Variants in TMEM132B observed in about 807,000 individuals in gnomAD.
TMEM132B encodes the protein transmembrane protein 132B.
Under a neutral mutation model 90.8 loss-of-function variants are expected in TMEM132B, and 18 were observed. That is an observed-to-expected ratio of 0.20 (90% CI 0.14 to 0.29). The LOEUF is 0.29. Among genes scored for constraint, TMEM132B ranks in the 10% least tolerant of loss-of-function variants. The pLI is 1.00. For synonymous variants in TMEM132B, 504 were observed against 523.3 expected, an observed-to-expected ratio of 0.96 and a Z score of 0.50; for missense variants, 1,096 against 1,326.8, an observed-to-expected ratio of 0.83 and a Z score of 2.70.
At chr12:125,527,075 T>C (rs1388286833) in intron 4 of TMEM132B, among the ~76,000 whole-genome samples, 87 of 70,786 alleles carry the variant, frequency 1.2e-3, no homozygotes, top group East Asian at 2.1e-3. Context: ...TTTACCCTTC[T>C]ATCCACCCAT....
intron 1 of TMEM132B, among the ~76,000 whole-genome samples, chr12:125,314,512 G>T (rs1876209224): frequency 6.6e-6 from 1 of 152,170 alleles, no homozygotes; most frequent in Non-Finnish European, 1.5e-5. Flanking sequence ...TTCTTGTGCT[G>T]CATTGAGGAG....
intron 3 of TMEM132B, among the ~76,000 whole-genome samples, chr12:125,438,133 G>T (rs1880755886): frequency 6.6e-6 from 1 of 152,132 alleles, no homozygotes; most frequent in Non-Finnish European, 1.5e-5. Context: ...AGAATCAACT[G>T]CATTCTTCTC....
At chr12:125,561,526 A>C (rs2136795025) in intron 4 of TMEM132B, among the ~76,000 whole-genome samples, 1 of 152,244 alleles carries the variant, frequency 6.6e-6, no homozygotes, top group Non-Finnish European at 1.5e-5. Context: ...ATAATAAAAA[A>C]ATTAAAAAAA....
At chr12:125,628,479 G>A (rs1886285585) in intron 5 of TMEM132B, among the ~76,000 whole-genome samples, 1 of 152,010 alleles carries the variant, frequency 6.6e-6, no homozygotes, top group Admixed American at 6.6e-5. Context: ...TTTTGTCCAT[G>A]TTTTGATTGA....
chr12:125,443,542 G>A (rs926929731), intron 3 of TMEM132B, among the ~76,000 whole-genome samples: 3 of 152,084 alleles, frequency 2.0e-5, no homozygotes, highest in Non-Finnish European at 2.9e-5. Flanking sequence ...AAGAATTGAC[G>A]GGATTCTGTG....
chr12:125,535,705 A>T (rs562722495), intron 4 of TMEM132B, among the ~76,000 whole-genome samples: 2 of 152,328 alleles, frequency 1.3e-5, no homozygotes, highest in South Asian at 4.1e-4. Context: ...GAGTATTTAG[A>T]AAAGACCAAG....
chr12:125,450,244 C>T (rs999528762), intron 3 of TMEM132B, among the ~76,000 whole-genome samples: 3 of 152,108 alleles, frequency 2.0e-5, no homozygotes, highest in Admixed American at 2.0e-4. Flanking sequence ...AAATGGCTGA[C>T]TTCAGTTCTG....
intron 1 of TMEM132B, among the ~76,000 whole-genome samples, chr12:125,337,721 T>C (rs1284400371): frequency 6.6e-6 from 1 of 152,184 alleles, no homozygotes; most frequent in Non-Finnish European, 1.5e-5. Context: ...AAATTTCCGG[T>C]ATTCTGTTCT....
At chr12:125,592,179 GTCTA>G (rs1885332490) in intron 5 of TMEM132B, among the ~76,000 whole-genome samples, 1 of 152,150 alleles carries the variant, frequency 6.6e-6, no homozygotes, top group Non-Finnish European at 1.5e-5. Flanking sequence ...ATCTTTATGT[GTCTA>G]TCTTTTTTAC....
At chr12:125,348,537 T>C (rs1877444678) in intron 1 of TMEM132B, among the ~76,000 whole-genome samples, 1 of 151,754 alleles carries the variant, frequency 6.6e-6, no homozygotes, top group Non-Finnish European at 1.5e-5. Context: ...GTCTCACTGT[T>C]TTGCTCAGGC....
intron 3 of TMEM132B, among the ~76,000 whole-genome samples, chr12:125,508,930 T>C (rs1882910864): frequency 6.6e-6 from 1 of 151,784 alleles, no homozygotes; most frequent in South Asian, 2.1e-4. Context: ...ATTACAGGTG[T>C]GCACCACCAC....
Position 125,458,700 on chromosome 12 carries a change from T to C in TMEM132B, c.1106+43023T>C, listed in dbSNP as rs1055960724. Among the ~76,000 whole-genome samples, 1 of 152,118 alleles carries C rather than the reference T, an allele frequency of 6.6e-6. No individual in the cohort carries two copies. The highest frequency in any genetic ancestry group is 2.4e-5 in the African/African-American group (1 of 41,412). On this transcript the variant is annotated intron_variant, in intron 3 of 8. Transcript: ENST00000682704. The surrounding 1 kb of genome is among the most constrained non-coding windows in gnomAD (Gnocchi z 4.9). ...AGAATGGCCAGGGCTGGGAAGCCAA[T>C]GGAGATGTTCCCGCCTGCACTGCTG...
intron 5 of TMEM132B, among the ~76,000 whole-genome samples, chr12:125,625,602 C>T (rs1373734571): frequency 6.6e-6 from 1 of 152,194 alleles, no homozygotes; most frequent in Non-Finnish European, 1.5e-5. Flanking sequence ...TTTGACACTT[C>T]TGAACACATC....
chr12:125,497,624 CTCTT>C (rs1882594568), intron 3 of TMEM132B, among the ~76,000 whole-genome samples: 1 of 152,156 alleles, frequency 6.6e-6, no homozygotes, highest in South Asian at 2.1e-4. Flanking sequence ...TTATCTGTAT[CTCTT>C]TCTTTGTGAA....
At chr12:125,279,692 C>T (rs557638304) in intron 1 of TMEM132B, among the ~76,000 whole-genome samples, 1 of 152,228 alleles carries the variant, frequency 6.6e-6, no homozygotes, top group East Asian at 1.9e-4. Context: ...TGTTGTATAT[C>T]TTTTTGCTGT....
intron 5 of TMEM132B, chr12:125,622,474 T>A: frequency 1.0e-6 from 1 of 985,390 alleles, no homozygotes; most frequent in Non-Finnish European, 1.2e-6. Context: ...CCAACCAACC[T>A]TTCCTGTGCT....
At chr12:125,479,460 T>C (rs1881981399) in intron 3 of TMEM132B, among the ~76,000 whole-genome samples, 1 of 152,108 alleles carries the variant, frequency 6.6e-6, no homozygotes, top group Non-Finnish European at 1.5e-5. Context: ...GAGGCTGCAA[T>C]CCTAGTCTCT....
chr12:125,400,464 G>A lies in TMEM132B; in HGVS notation c.960-15067G>A, dbSNP rs546937962. On this transcript the variant is annotated intron_variant, in intron 2 of 8. Transcript: ENST00000682704. ...CAGTTGTCTGTTTATCCATCAGGAT[G>A]GCTCCTGTTCTGACTCAGAGGCCCA... Among the ~76,000 whole-genome samples, 62 of 152,326 alleles carry A rather than the reference G, an allele frequency of 4.1e-4. 1 individual carries two copies. The South Asian group carries it at 0.012, about 30-fold the overall frequency.
chr12:125,252,906 C>A (rs982822543), intron 1 of TMEM132B, among the ~76,000 whole-genome samples: 2 of 152,200 alleles, frequency 1.3e-5, no homozygotes, highest in African/African-American at 4.8e-5. Flanking sequence ...CATCCCAGAC[C>A]TCTGGGACAG....
Sources: allele counts gnomAD v4.1 joint callset (sites outside exome capture counted in the v4.1 genomes callset), GRCh38; gene constraint gnomAD v4.1.1; non-coding constraint Gnocchi (gnomAD v3.1); transcripts MANE v1.5; gene names NCBI Gene and HGNC (gene_info 2026-07-23, HGNC 2026-07-21).